The following LDLRAD4 variants were observed in gnomAD, a reference collection of about 807,000 sequenced individuals.
LDLRAD4 encodes the protein low-density lipoprotein receptor class A domain-containing protein 4.
Under a neutral mutation model 17.0 loss-of-function variants are expected in LDLRAD4, and 5 were observed. The observed-to-expected ratio is 0.29, with a 90% CI of 0.15 to 0.62. The LOEUF (loss-of-function observed/expected upper bound fraction) is 0.62. Ranked by LOEUF, LDLRAD4 falls within the 20% of genes least tolerant of loss-of-function variation. The probability of loss-of-function intolerance (pLI) is 0.84; values close to 1 mark genes in which losing one functional copy is unlikely to be tolerated. For missense variants in LDLRAD4, 340 were observed against 424.7 expected, an observed-to-expected ratio of 0.80 and a Z score of 1.75; for synonymous variants, 168 against 171.8, an observed-to-expected ratio of 0.98 and a Z score of 0.17.
At chr18:13,306,298 T>A (rs1226355288) in intron 1 of LDLRAD4, among the ~76,000 whole-genome samples, 6 of 152,242 alleles carry the variant, frequency 3.9e-5, no homozygotes, top group Admixed American at 3.9e-4. Flanking sequence ...GCCAGTCTTT[T>A]GATTGTAGAA....
At chr18:13,439,821 C>A (rs980247115) in intron 3 of LDLRAD4, among the ~76,000 whole-genome samples, 2 of 152,198 alleles carry the variant, frequency 1.3e-5, no homozygotes, top group Non-Finnish European at 2.9e-5. Context: ...GTCGGGAGCC[C>A]TGAGGAACCC....
chr18:13,488,829 C>A (rs1384933322), intron 3 of LDLRAD4: 1 of 152,246 alleles, frequency 6.6e-6, no homozygotes, highest in African/African-American at 2.4e-5. Context: ...TGTCCTCGCA[C>A]AAACTGGGGT....
At chr18:13,390,212 C>T (rs1489571727) in intron 2 of LDLRAD4, among the ~76,000 whole-genome samples, 4 of 152,224 alleles carry the variant, frequency 2.6e-5, no homozygotes, top group Non-Finnish European at 4.4e-5. Flanking sequence ...CTCTTCCCCC[C>T]AGTGTCAGCC....
At chr18:13,563,803 C>G (rs1018523562) in intron 3 of LDLRAD4, among the ~76,000 whole-genome samples, 1 of 152,226 alleles carries the variant, frequency 6.6e-6, no homozygotes, top group African/African-American at 2.4e-5. Context: ...AAACAGATGG[C>G]CTCTAAAGGC....
At chr18:13,472,860 C>T (rs1284530819) in intron 3 of LDLRAD4, among the ~76,000 whole-genome samples, 3 of 152,194 alleles carry the variant, frequency 2.0e-5, no homozygotes, top group South Asian at 2.1e-4. Context: ...TGAGCAAACA[C>T]GTACCTCTTT....
chr18:13,367,694 G>A lies in LDLRAD4; in HGVS notation c.-382-19647G>A, dbSNP rs995127468. Among the ~76,000 whole-genome samples, 1 of 151,984 alleles carries A rather than the reference G, an allele frequency of 6.6e-6. No individual in the cohort carries two copies. The highest frequency in any genetic ancestry group is 6.6e-5 in the Admixed American group (1 of 15,260). On this transcript the variant is annotated intron_variant, in intron 1 of 5. Coordinates refer to ENST00000359446, the Ensembl canonical transcript of LDLRAD4. This position sits in a 1 kb window ranked among gnomAD's most constrained non-coding sequence, Gnocchi z 4.1. ...CGAGAGGGGACAGCCGGGCACGGGG[G>A]CACACGTTGTCAAGGGATATACCGA...
At chr18:13,536,837 T>A (rs1780814515) in intron 3 of LDLRAD4, among the ~76,000 whole-genome samples, 1 of 152,212 alleles carries the variant, frequency 6.6e-6, no homozygotes, top group South Asian at 2.1e-4. Flanking sequence ...AATAAGTAAA[T>A]GTTGAAATTT....
At chr18:13,443,100 A>T (rs1169255386) in intron 3 of LDLRAD4, among the ~76,000 whole-genome samples, 1 of 152,226 alleles carries the variant, frequency 6.6e-6, no homozygotes, top group Non-Finnish European at 1.5e-5. Flanking sequence ...TTATGCCAGG[A>T]TTATGACTTT....
At chr18:13,326,187 C>T (rs2081526326) in intron 1 of LDLRAD4, among the ~76,000 whole-genome samples, 1 of 152,072 alleles carries the variant, frequency 6.6e-6, no homozygotes, top group Admixed American at 6.6e-5. Flanking sequence ...AAATACCAGC[C>T]ACAGACACAT....
chr18:13,285,173 T>G (rs1177556261), intron 1 of LDLRAD4, among the ~76,000 whole-genome samples: 1 of 152,168 alleles, frequency 6.6e-6, no homozygotes, highest in Non-Finnish European at 1.5e-5. Context: ...GGGACAGTGT[T>G]TGTAAGCCCC....
chr18:13,299,766 T>C lies in LDLRAD4; in HGVS notation c.-383+21578T>C, dbSNP rs560413612. 2.6e-5 allele frequency among the ~76,000 whole-genome samples: 4 copies of C among 152,150 alleles called. No individual in the cohort carries two copies. The East Asian group carries it at 7.7e-4, about 29-fold the overall frequency. On this transcript the variant is annotated intron_variant, in intron 1 of 5. Coordinates refer to ENST00000359446, the Ensembl canonical transcript of LDLRAD4. ...CTGAAGCAGGAGGACCACTTGAGCC[T>C]GGGAGGTTGAGGCTGCAGTGAGCTA...
At chr18:13,452,821 C>T (rs967952629) in intron 3 of LDLRAD4, among the ~76,000 whole-genome samples, 2 of 152,170 alleles carry the variant, frequency 1.3e-5, no homozygotes, top group East Asian at 1.9e-4. Flanking sequence ...AAGAACTCAT[C>T]GGACCCCTCC....
At chr18:13,374,466 C>G (rs901092938) in intron 1 of LDLRAD4, among the ~76,000 whole-genome samples, 27 of 152,392 alleles carry the variant, frequency 1.8e-4, no homozygotes, top group African/African-American at 6.5e-4. Flanking sequence ...CCCCTGGGAG[C>G]TGGTTGGAAA....
At chr18:13,484,539 A>G (rs893626805) in intron 3 of LDLRAD4, among the ~76,000 whole-genome samples, 3 of 152,184 alleles carry the variant, frequency 2.0e-5, no homozygotes, top group East Asian at 1.9e-4. Flanking sequence ...TTGCTGGAGC[A>G]TCGAGGCTGC....
intron 3 of LDLRAD4, among the ~76,000 whole-genome samples, chr18:13,457,729 G>T (rs956683320): frequency 1.3e-5 from 2 of 152,114 alleles, no homozygotes; most frequent in Non-Finnish European, 2.9e-5. Context: ...TGGTTCACAG[G>T]CCCTCCCCAA....
chr18:13,496,131 G>A (rs564496608), intron 3 of LDLRAD4, among the ~76,000 whole-genome samples: 1 of 152,342 alleles, frequency 6.6e-6, no homozygotes, highest in South Asian at 2.1e-4. Flanking sequence ...GTACCAGTGA[G>A]GGCACAGGAG....
At chr18:13,245,719 C>T (rs1357288155) in intron 1 of LDLRAD4, among the ~76,000 whole-genome samples, 2 of 152,260 alleles carry the variant, frequency 1.3e-5, no homozygotes, top group African/African-American at 2.4e-5. Flanking sequence ...ATTGGAGTTT[C>T]TCACATCACC....
chr18:13,269,248 A>G (rs2044386433), intron 1 of LDLRAD4, among the ~76,000 whole-genome samples: 1 of 152,244 alleles, frequency 6.6e-6, no homozygotes, highest in East Asian at 1.9e-4. Context: ...TAACTAGTTA[A>G]TAGTGGCTCC....
rs1044110850 is a variant in LDLRAD4, at chr18:13,611,794, G to C, written c.182-9323G>C. On this transcript the variant is annotated intron_variant, in intron 3 of 5. Transcript: ENST00000359446. ...AGAGCCAAGAGGGAAGAGCGAGCCGGGGGGAAAGGAGCGCGCAGTGTTTCC... is the reference window on the plus strand; with the variant it reads ...AGAGCCAAGAGGGAAGAGCGAGCCGCGGGGAAAGGAGCGCGCAGTGTTTCC... 7.1e-6 allele frequency: 7 copies of C among 985,604 alleles called. No individual in the cohort carries two copies. In the South Asian group the frequency reaches 2.8e-4, roughly 40 times the overall value. 61.1% of individuals were successfully genotyped at this position (985,604 alleles called of 1,614,324 possible).
Sources: gnomAD v4.1 joint callset for allele counts (sites outside exome capture counted in the v4.1 genomes callset) on GRCh38, gnomAD v4.1.1 for gene constraint, Gnocchi (gnomAD v3.1) non-coding constraint, MANE v1.5 for transcripts, NCBI Gene and HGNC (gene_info 2026-07-23, HGNC 2026-07-21) for gene names.